CUL3: variants seen among roughly 807,000 people sequenced by gnomAD.
The protein encoded by CUL3 is cullin 3.
In CUL3, 19 loss-of-function variants were observed where a neutral mutation model predicts 89.1. That is an observed-to-expected ratio of 0.21 (90% CI 0.15 to 0.31). The LOEUF is 0.31. Among genes scored for constraint, CUL3 ranks in the 10% least tolerant of loss-of-function variants. The pLI, the probability that CUL3 is intolerant of heterozygous loss-of-function variation, is 1.00. For missense variants in CUL3, 469 were observed against 942.3 expected (o/e 0.50, Z 6.58); for synonymous variants, 351 against 308.4 (o/e 1.14, Z -1.45).
intron 3 of CUL3, among the ~76,000 whole-genome samples, chr2:224,524,981 G>A (rs1318485927): frequency 1.3e-5 from 2 of 150,916 alleles, no homozygotes; most frequent in Admixed American, 1.3e-4. Flanking sequence ...TAATGGGGGT[G>A]GGGGTAATAA....
intron 1 of CUL3, among the ~76,000 whole-genome samples, chr2:224,561,944 A>G (rs1382910064): frequency 6.6e-6 from 1 of 152,242 alleles, no homozygotes; most frequent in African/African-American, 2.4e-5. Flanking sequence ...AAAAAGAGAA[A>G]AGTTAATGTC....
chr2:224,491,635 T>C (rs1428766171), intron 13 of CUL3, among the ~76,000 whole-genome samples: 1 of 152,208 alleles, frequency 6.6e-6, no homozygotes, highest in African/African-American at 2.4e-5. Flanking sequence ...CTTCATCTTG[T>C]TCCTCAGTCT....
intron 2 of CUL3, 85 bp from the exon 3 acceptor site, chr2:224,535,726 A>T: frequency 5.1e-6 from 4 of 777,470 alleles, no homozygotes; most frequent in East Asian, 2.6e-5. Context: ...TTAATAAAAT[A>T]ATGAAGTGGA....
chr2:224,585,132 G>C lies in CUL3; in HGVS notation c.-123C>G. 1 of 643,732 alleles carries C rather than the reference G, an allele frequency of 1.6e-6. No homozygotes were observed. Among genetic ancestry groups the C allele is most frequent in the East Asian group, 6.1e-5 (1 of 16,320 alleles). The allele number at this position is 643,732 out of a possible 1,614,324, so 39.9% of individuals were successfully genotyped here. A position where few individuals can be genotyped will look rare whatever the true frequency, so the allele number is the denominator to read the frequency against. ...CGGCGGCGGCGCGACCCCCGGGCAG[G>C]GCTGGGGAGCTGGCCGGCCCCTGGG... On this transcript the variant is annotated 5_prime_UTR_variant, in exon 1 of 16. Coordinates refer to ENST00000264414, the MANE Select transcript of CUL3 (RefSeq NM_003590.5).
intron 1 of CUL3, chr2:224,563,116 A>C (rs1478479755): frequency 5.2e-6 from 2 of 385,752 alleles, no homozygotes; most frequent in Admixed American, 7.4e-5. Context: ...AAAGAAATAT[A>C]GCTTTTTCAA....
At chr2:224,484,838 T>C (rs1691658324) in intron 13 of CUL3, among the ~76,000 whole-genome samples, 1 of 152,234 alleles carries the variant, frequency 6.6e-6, no homozygotes, top group Non-Finnish European at 1.5e-5. Flanking sequence ...ATTTGAGATC[T>C]GGCAAGATGG....
intron 3 of CUL3, 30 bp downstream of exon 3, chr2:224,535,497 AG>A (rs1325903888): frequency 2.1e-6 from 3 of 1,444,932 alleles, no homozygotes; most frequent in East Asian, 4.6e-5. Context: ...AACTGCTTAA[AG>A]GAAGAAAACA....
chr2:224,514,172 G>A (rs548136654), intron 4 of CUL3, among the ~76,000 whole-genome samples: 106 of 152,202 alleles, frequency 7.0e-4, no homozygotes, highest in African/African-American at 2.4e-3. Flanking sequence ...TGCAATCATT[G>A]TTATGAAGGG....
At chr2:224,533,361 A>G (rs1183330261) in intron 3 of CUL3, among the ~76,000 whole-genome samples, 1 of 152,148 alleles carries the variant, frequency 6.6e-6, no homozygotes. Flanking sequence ...TCTACCCAAT[A>G]TTATTTTCAT....
intron 3 of CUL3, among the ~76,000 whole-genome samples, chr2:224,527,161 G>GTA (rs1434196790): frequency 6.6e-6 from 1 of 152,132 alleles, no homozygotes; most frequent in Non-Finnish European, 1.5e-5. Flanking sequence ...TGTTGAAGAG[G>GTA]TATAGCCCAA....
intron 14 of CUL3, among the ~76,000 whole-genome samples, chr2:224,480,575 T>A (rs13012104): frequency 6.6e-6 from 1 of 152,106 alleles, no homozygotes; most frequent in South Asian, 2.1e-4. Context: ...TAAAAATCTA[T>A]GAAGACTTTT....
intron 1 of CUL3, among the ~76,000 whole-genome samples, chr2:224,583,673 T>A (rs1695497104): frequency 6.6e-6 from 1 of 152,238 alleles, no homozygotes; most frequent in Non-Finnish European, 1.5e-5. Flanking sequence ...CTGACTTTAG[T>A]ATTTATGTTC....
At chr2:224,544,684 A>G (rs1694237206) in intron 2 of CUL3, among the ~76,000 whole-genome samples, 3 of 151,274 alleles carry the variant, frequency 2.0e-5, no homozygotes, top group African/African-American at 7.3e-5. Flanking sequence ...ATTCTTAAAG[A>G]TTTCAAAATT....
rs1420607762 is a variant in CUL3 at position 224,495,845 on chromosome 2, T to C, written c.1829A>G (p.Lys610Arg). 6.2e-7 allele frequency: 1 copy of C among 1,610,602 alleles called. No homozygotes were observed. The highest frequency in any genetic ancestry group is 8.5e-7 in the Non-Finnish European group (1 of 1,177,488). The change falls in exon 13 of 16, where the codon AAA (lysine) becomes AGA (arginine). Residue 610 changes from lysine to arginine, a missense_variant. Physicochemically the swap from Lys to Arg is conservative, Grantham distance 26 (BLOSUM62 2). Transcript: ENST00000264414. ...CACAATCCATACCTCAAATGTGTAT[T>C]TTTCTCTATTATTAAAGAGCATTAA... ...TILMLFNNRE[K>R]YTFEEIQQET...
At chr2:224,516,490 T>C (rs1340062911) in intron 3 of CUL3, among the ~76,000 whole-genome samples, 1 of 151,828 alleles carries the variant, frequency 6.6e-6, no homozygotes, top group Admixed American at 6.6e-5. Flanking sequence ...CTAATTTTTG[T>C]ATGTTTAGTA....
chr2:224,485,104 CCA>C lies in CUL3; in HGVS notation c.1843-3028_1843-3027del, dbSNP rs1691667283. ...ATCTGGCCCAAATACTACGCTTTGC[CCA>C]CAGTTTTTGCAACCCGCAGACCAGG... On this transcript the variant is annotated intron_variant, in intron 13 of 15. Transcript: ENST00000264414. The surrounding 1 kb of genome is among the most constrained non-coding windows in gnomAD (Gnocchi z 4.1). The C allele has an allele frequency of 6.6e-6, 1 of 152,284 alleles. No individual in the cohort carries two copies. The allele number at this position is 152,284 out of a possible 1,614,324, so 9.4% of individuals were successfully genotyped here.
At chr2:224,512,707 T>A (rs1692878885) in intron 5 of CUL3, among the ~76,000 whole-genome samples, 1 of 152,210 alleles carries the variant, frequency 6.6e-6, no homozygotes, top group Admixed American at 6.5e-5. Flanking sequence ...ATCATCCATA[T>A]CCTTATGTGT....
At chr2:224,583,201 A>C (rs1199549216) in intron 1 of CUL3, among the ~76,000 whole-genome samples, 1 of 152,120 alleles carries the variant, frequency 6.6e-6, no homozygotes, top group Non-Finnish European at 1.5e-5. Context: ...AACATGGAGA[A>C]ACCTCGTCTC....
At chr2:224,544,727 C>T (rs1694239382) in intron 2 of CUL3, among the ~76,000 whole-genome samples, 2 of 149,706 alleles carry the variant, frequency 1.3e-5, no homozygotes, top group South Asian at 4.3e-4. Context: ...TGGTATGACA[C>T]AAACCTATCA....
Sources: gnomAD v4.1 joint callset for allele counts (sites outside exome capture counted in the v4.1 genomes callset) on GRCh38, gnomAD v4.1.1 for gene constraint, Gnocchi (gnomAD v3.1) non-coding constraint, MANE v1.5 for transcripts, NCBI Gene and HGNC (gene_info 2026-07-23, HGNC 2026-07-21) for gene names.